ATP6AP1: variants seen among roughly 807,000 people sequenced by gnomAD.
The protein encoded by ATP6AP1 is V-type proton ATPase subunit S1.
ATP6AP1 carries 1 observed loss-of-function variant against 32.0 expected under a neutral mutation model. The ratio of observed to expected loss-of-function variants is 0.03; its 90% CI spans 0.01 to 0.15. The LOEUF is 0.15. Among genes scored for constraint, ATP6AP1 ranks in the 10% least tolerant of loss-of-function variants. ATP6AP1 has a pLI of 1.00. For missense variants in ATP6AP1, 297 were observed against 398.8 expected (o/e 0.74, Z 2.17); for synonymous variants, 187 against 174.9 (o/e 1.07, Z -0.55).
intron 4 of ATP6AP1, 60 bp from the exon 5 acceptor site, chrX:154,432,871 T>C: frequency 3.4e-6 from 4 of 1,171,526 alleles, no homozygotes; most frequent in Non-Finnish European, 4.6e-6. Flanking sequence ...CGGGGAAGGG[T>C]AGTGGGCAGT....
chrX:154,435,524 C>G lies in ATP6AP1; in HGVS notation c.1203+19C>G. ...CTTCCAGGTATGGAGCGGGCGTGGCCCAGCTTCAGGTGGGGGAGCCCAGGC... is the reference window on the plus strand; with the variant it reads ...CTTCCAGGTATGGAGCGGGCGTGGCGCAGCTTCAGGTGGGGGAGCCCAGGC... On this transcript the variant is annotated intron_variant, in intron 9 of 9. Transcript: ENST00000369762. 2 of 1,206,114 alleles carry G rather than the reference C, an allele frequency of 1.7e-6. No homozygotes were observed. Among genetic ancestry groups the G allele is most frequent in the African/African-American group, 3.5e-5 (2 of 57,697 alleles).
intron 1 of ATP6AP1, 24 bp from the exon 2 acceptor site, chrX:154,429,024 A>G (rs2068680166): frequency 6.6e-6 from 8 of 1,207,243 alleles, no homozygotes; most frequent in Non-Finnish European, 7.8e-6. Flanking sequence ...CCCGTCTGAC[A>G]GCACCTCTTC....
At chrX:154,432,537 C>G in intron 4 of ATP6AP1, 78 bp downstream of exon 4, 1 of 1,083,415 alleles carries the variant, frequency 9.2e-7, no homozygotes, top group Non-Finnish European at 1.2e-6. Flanking sequence ...TGTGGTGGCA[C>G]CGTTTGGCTA....
Position 154,436,466 on chromosome X carries a change from T to TG in ATP6AP1, c.*579dup, listed in dbSNP as rs1376443517. ...CCACCGGGAGTGCCGGGCAGGAGCA[T>TG]GGGGTGCTTGGTTGTTTCCTTCCTA... is the stretch of plus-strand genomic sequence containing the variant. On this transcript the variant is annotated 3_prime_UTR_variant, in exon 10 of 10. Transcript: ENST00000369762. 1 of 110,792 alleles carries TG rather than the reference T, an allele frequency of 9.0e-6. No individual in the cohort carries two copies. The highest frequency in any genetic ancestry group is 1.9e-5 in the Non-Finnish European group (1 of 53,354). 9.1% of individuals were successfully genotyped at this position (110,792 alleles called of 1,213,427 possible). A position where few individuals can be genotyped will look rare whatever the true frequency, so the allele number is the denominator to read the frequency against.
intron 5 of ATP6AP1, among the ~76,000 whole-genome samples, 200 bp downstream of exon 5, chrX:154,433,171 C>T (rs191787308): frequency 2.7e-4 from 30 of 111,955 alleles, no homozygotes; most frequent in Admixed American, 2.2e-3. Context: ...TCCAGCCAGA[C>T]CCCACTTGGC....
rs375450274 is a variant in ATP6AP1, at chrX:154,432,262, C to T, written c.364-4C>T. On this transcript the variant is annotated splice_region_variant and splice_polypyrimidine_tract_variant and intron_variant, in intron 3 of 9. Coordinates refer to ENST00000369762, the MANE Select transcript of ATP6AP1 (RefSeq NM_001183.6). ...CTCACCTTTTGCCTCTCCCCTGTCC[C>T]CAGAATGCCCTGGACCTGGCCCCCT... 1 of 1,194,979 alleles carries T rather than the reference C, an allele frequency of 8.4e-7. No homozygotes were observed. The highest frequency in any genetic ancestry group is 1.7e-5 in the African/African-American group (1 of 57,295).
chrX:154,436,000 T>A lies in ATP6AP1; in HGVS notation c.*109T>A. 1 of 776,794 alleles carries A rather than the reference T, an allele frequency of 1.3e-6. No homozygotes were observed. Among genetic ancestry groups the A allele is most frequent in the Non-Finnish European group, 1.9e-6 (1 of 526,511 alleles). The allele number at this position is 776,794 out of a possible 1,213,427, so 64.0% of individuals were successfully genotyped here. A position where few individuals can be genotyped will look rare whatever the true frequency, so the allele number is the denominator to read the frequency against. On this transcript the variant is annotated 3_prime_UTR_variant, in exon 10 of 10. Coordinates refer to ENST00000369762, the MANE Select transcript of ATP6AP1 (RefSeq NM_001183.6). The stretch of plus-strand genomic sequence containing the variant: ...TCCCTCTTCCTACTGCAGCATGAAC[T>A]GCAAGCTCCCCTCAGCCCATCTTGC...
In ATP6AP1 at chrX:154,435,154, T is replaced by C; in HGVS notation, c.939T>C (p.Tyr313=). ...NDSFARLSLT[Y]ERLFGTTVTF... ...GGCCCCACAGGCTCTCACTGACCTA[T>C]GAACGACTCTTTGGTACCACAGTGA... Residue 313 remains tyrosine (Y), a synonymous_variant, in exon 8 of 10, where the codon TAT becomes TAC. Coordinates refer to ENST00000369762, the MANE Select transcript of ATP6AP1 (RefSeq NM_001183.6). The C allele has an allele frequency of 8.3e-7, 1 of 1,209,759 alleles. No individual in the cohort carries two copies. Among genetic ancestry groups the C allele is most frequent in the Admixed American group, 2.2e-5 (1 of 45,937 alleles).
chrX:154,432,372 T>C lies in ATP6AP1; in HGVS notation c.470T>C (p.Leu157Ser), dbSNP rs782417619. ...CAGGAGAAGCTCGGGGCCAGCCCCT[T>C]GCATGTGGACCTGGCCACCCTGCGG... ...YLQEKLGASP[L>S]HVDLATLREL... The change falls in exon 4 of 10, where the codon TTG becomes TCG. Residue 157 changes from leucine to serine, a missense_variant. By Grantham distance (145) the Leu-to-Ser change is moderately radical (BLOSUM62 -2). Transcript: ENST00000369762. The C allele has an allele frequency of 1.7e-6, 2 of 1,211,450 alleles. No homozygotes were observed. Among genetic ancestry groups the C allele is most frequent in the Non-Finnish European group, 2.2e-6 (2 of 895,233 alleles).
At chrX:154,433,367 T>A (rs1220263501) in intron 5 of ATP6AP1, among the ~76,000 whole-genome samples, 1 of 112,191 alleles carries the variant, frequency 8.9e-6, no homozygotes, top group Non-Finnish European at 1.9e-5. Flanking sequence ...CATGGGTGGA[T>A]GTGGAGTTTT....
rs2068695877 is a variant in ATP6AP1, at chrX:154,431,979, G to C, written c.363+75G>C. The C allele has an allele frequency of 8.4e-6, 9 of 1,075,385 alleles. No individual in the cohort carries two copies. In the South Asian group the frequency reaches 1.8e-4, roughly 21 times the overall value. 88.6% of individuals were successfully genotyped at this position (1,075,385 alleles called of 1,213,427 possible). The stretch of plus-strand genomic sequence containing the variant: ...TCTCCCAGCATAAGAACTGTACTCT[G>C]ACCTCATATCAGGGTTACTTGGGTC... On this transcript the variant is annotated intron_variant, in intron 3 of 9. Coordinates refer to ENST00000369762, the MANE Select transcript of ATP6AP1 (RefSeq NM_001183.6).
In ATP6AP1 at chrX:154,432,958, C is replaced by T; in HGVS notation, c.585C>T (p.Val195=). 8.3e-7 allele frequency: 1 copy of T among 1,211,586 alleles called. No homozygotes were observed. The highest frequency in any genetic ancestry group is 1.1e-6 in the Non-Finnish European group (1 of 895,289). Residue 195 remains valine (V), a synonymous_variant, in exon 5 of 10, where the codon GTC becomes GTT. Transcript: ENST00000369762. ...ASSGLMAPRE[V]LTGNDEVIGQ... ...CTGGTCTGATGGCACCCAGGGAAGTCCTCACAGGCAACGGTGAGTAGAATC... is the reference window on the plus strand; with the variant it reads ...CTGGTCTGATGGCACCCAGGGAAGTTCTCACAGGCAACGGTGAGTAGAATC...
At chrX:154,429,580 A>C in intron 2 of ATP6AP1, 1 of 127,419 alleles carries the variant, frequency 7.8e-6, no homozygotes, top group Middle Eastern at 3.7e-3. Context: ...TGATCATAAT[A>C]ATGATAATTG....
intron 9 of ATP6AP1, 28 bp from the exon 10 acceptor site, chrX:154,435,654 T>A (rs782371234): frequency 8.3e-7 from 1 of 1,207,404 alleles, no homozygotes; most frequent in Admixed American, 2.2e-5. Flanking sequence ...CAACGGTCCT[T>A]TCTGACCCGT....
chrX:154,436,019 A>G lies in ATP6AP1; in HGVS notation c.*128A>G, dbSNP rs2068717839. 5 of 665,466 alleles carry G rather than the reference A, an allele frequency of 7.5e-6. No individual in the cohort carries two copies. The Admixed American group carries it at 1.4e-4, about 19-fold the overall frequency. The allele number at this position is 665,466 out of a possible 1,213,427, so 54.8% of individuals were successfully genotyped here. On this transcript the variant is annotated 3_prime_UTR_variant, in exon 10 of 10. Coordinates refer to ENST00000369762, the MANE Select transcript of ATP6AP1 (RefSeq NM_001183.6). ...ATGAACTGCAAGCTCCCCTCAGCCC[A>G]TCTTGCTCCCTCTTCAGCCCGCTGA...
At position 154,436,182 on chromosome X, in the gene ATP6AP1, T is replaced by C. The variant is rs2068718710; in HGVS notation, c.*291T>C. On this transcript the variant is annotated 3_prime_UTR_variant, in exon 10 of 10. Transcript: ENST00000369762. Reference sequence around the variant, plus strand: ...TTCTAGGGTCTCCTTTCTCCTTATTTATTCTTGTGGCTACATCATCCCTGG... The same window carrying C: ...TTCTAGGGTCTCCTTTCTCCTTATTCATTCTTGTGGCTACATCATCCCTGG... 1 of 349,871 alleles carries C rather than the reference T, an allele frequency of 2.9e-6. No individual in the cohort carries two copies. Among genetic ancestry groups the C allele is most frequent in the Non-Finnish European group, 5.0e-6 (1 of 200,638 alleles). 28.8% of individuals were successfully genotyped at this position (349,871 alleles called of 1,213,427 possible). A position where few individuals can be genotyped will look rare whatever the true frequency, so the allele number is the denominator to read the frequency against.
At chrX:154,433,051 C>A in intron 5 of ATP6AP1, 80 bp downstream of exon 5, 1 of 1,101,950 alleles carries the variant, frequency 9.1e-7, no homozygotes, top group East Asian at 3.0e-5. Context: ...TGCAGTTCCT[C>A]GGCCTCCTCA....
At chrX:154,432,670 A>G (rs782011027) in intron 4 of ATP6AP1, among the ~76,000 whole-genome samples, 1 of 112,464 alleles carries the variant, frequency 8.9e-6, no homozygotes, top group South Asian at 3.6e-4. Flanking sequence ...CTGGGCCTCC[A>G]GAGATGAGGC....
Position 154,435,872 on chromosome X carries a change from C to A in ATP6AP1, c.1394C>A (p.Ser465Tyr). The change falls in exon 10 of 10, where the codon TCT becomes TAT. Residue 465 changes from serine to tyrosine, a missense_variant. By Grantham distance (144) the Ser-to-Tyr change is moderately radical. Coordinates refer to ENST00000369762, the MANE Select transcript of ATP6AP1 (RefSeq NM_001183.6). ...RFDDHKGPTISLTQIV is the reference protein window; with the variant it reads ...RFDDHKGPTIYLTQIV ...GATGACCACAAGGGCCCCACTATTT[C>A]TTTGACCCAGATTGTGTGACCCTGT... 1 of 1,209,969 alleles carries A rather than the reference C, an allele frequency of 8.3e-7. No homozygotes were observed. Among genetic ancestry groups the A allele is most frequent in the African/African-American group, 1.8e-5 (1 of 56,606 alleles).
Sources: allele counts gnomAD v4.1 joint callset (sites outside exome capture counted in the v4.1 genomes callset), GRCh38; gene constraint gnomAD v4.1.1; transcripts MANE v1.5; gene names NCBI Gene and HGNC (gene_info 2026-07-23, HGNC 2026-07-21).